The following HPSE2 variants were observed in gnomAD, a reference collection of about 807,000 sequenced individuals.
HPSE2 encodes inactive heparanase-2.
HPSE2 carries 38 observed loss-of-function variants against 60.5 expected under a neutral mutation model. That is an observed-to-expected ratio of 0.63 (90% CI 0.48 to 0.82). The LOEUF (loss-of-function observed/expected upper bound fraction) is 0.82, where lower values mean the gene tolerates loss of function less well. Ranked by LOEUF, HPSE2 falls within the 40% of genes least tolerant of loss-of-function variation. The pLI is 0.00. For missense variants in HPSE2, 713 were observed against 740.4 expected, an observed-to-expected ratio of 0.96 and a Z score of 0.43; for synonymous variants, 295 against 293.2, an observed-to-expected ratio of 1.01 and a Z score of -0.06.
intron 2 of HPSE2, among the ~76,000 whole-genome samples, chr10:99,159,405 T>C (rs1272605724): frequency 6.6e-6 from 1 of 152,152 alleles, no homozygotes; most frequent in Non-Finnish European, 1.5e-5. Flanking sequence ...TGCTTTTGCG[T>C]GGTGAAACAG....
At chr10:99,044,691 C>CAA (rs35009988) in intron 3 of HPSE2, among the ~76,000 whole-genome samples, 32 of 138,502 alleles carry the variant, frequency 2.3e-4, no homozygotes, top group East Asian at 1.7e-3. Context: ...AACAAACAAA[C>CAA]AAAAAAAATA....
At chr10:99,200,130 TACA>T (rs773364888) in intron 2 of HPSE2, among the ~76,000 whole-genome samples, 3 of 152,136 alleles carry the variant, frequency 2.0e-5, no homozygotes, top group Non-Finnish European at 4.4e-5. Flanking sequence ...ATTTTGTATC[TACA>T]ACTTTACTGA....
At chr10:98,864,590 T>A (rs938432903) in intron 3 of HPSE2, among the ~76,000 whole-genome samples, 1 of 152,186 alleles carries the variant, frequency 6.6e-6, no homozygotes, top group Non-Finnish European at 1.5e-5. Context: ...TTCATTAGTC[T>A]CATTAAGTCC....
intron 1 of HPSE2, among the ~76,000 whole-genome samples, chr10:99,232,729 C>T (rs1177457352): frequency 2.6e-5 from 4 of 152,240 alleles, no homozygotes; most frequent in Non-Finnish European, 5.9e-5. Context: ...CTTCCAGACG[C>T]CCGCAGCGGC....
chr10:98,543,025 G>A (rs1186103924), intron 9 of HPSE2, among the ~76,000 whole-genome samples: 2 of 152,120 alleles, frequency 1.3e-5, no homozygotes, highest in Non-Finnish European at 1.5e-5. Flanking sequence ...ACACATCATT[G>A]TCAGATTCAC....
At chr10:99,107,780 A>G (rs1844305657) in intron 3 of HPSE2, among the ~76,000 whole-genome samples, 1 of 152,216 alleles carries the variant, frequency 6.6e-6, no homozygotes, top group Admixed American at 6.5e-5. Context: ...CTTCTAGATG[A>G]ACATTCAACA....
At chr10:99,127,290 C>T (rs1192158535) in intron 3 of HPSE2, among the ~76,000 whole-genome samples, 1 of 151,924 alleles carries the variant, frequency 6.6e-6, no homozygotes, top group Non-Finnish European at 1.5e-5. Flanking sequence ...AAATAGATAT[C>T]ATAAAGAAAA....
At chr10:99,009,583 T>G (rs1956967957) in intron 3 of HPSE2, among the ~76,000 whole-genome samples, 1 of 152,220 alleles carries the variant, frequency 6.6e-6, no homozygotes, top group Non-Finnish European at 1.5e-5. Context: ...TCTTGTAGAA[T>G]TCCAAACTTC....
At chr10:98,987,370 A>G (rs1956390853) in intron 3 of HPSE2, among the ~76,000 whole-genome samples, 1 of 152,216 alleles carries the variant, frequency 6.6e-6, no homozygotes, top group Non-Finnish European at 1.5e-5. Flanking sequence ...GTAATCCAGC[A>G]TATAAACAGA....
chr10:98,884,094 C>T (rs561646211), intron 3 of HPSE2, among the ~76,000 whole-genome samples: 4 of 152,196 alleles, frequency 2.6e-5, no homozygotes, highest in African/African-American at 9.6e-5. Flanking sequence ...ATTTAGTGGT[C>T]TAGATAGGTC....
At chr10:98,811,628 A>G (rs1487791051) in intron 3 of HPSE2, among the ~76,000 whole-genome samples, 2 of 152,134 alleles carry the variant, frequency 1.3e-5, no homozygotes, top group Admixed American at 6.6e-5. Context: ...GTATGCAATT[A>G]TCTTTATATG....
chr10:99,028,184 T>C (rs75044158), intron 3 of HPSE2, among the ~76,000 whole-genome samples: 2,523 of 152,256 alleles, frequency 0.017, 104 homozygotes, highest in East Asian at 0.16. Context: ...GGCAGTCAAA[T>C]TGGAAAGGAA....
chr10:98,756,026 T>A (rs1238865726), intron 3 of HPSE2, among the ~76,000 whole-genome samples: 1 of 151,932 alleles, frequency 6.6e-6, no homozygotes. Flanking sequence ...AAAAGATCTC[T>A]CAAAACCATA....
chr10:99,184,839 G>T (rs1420120310), intron 2 of HPSE2, among the ~76,000 whole-genome samples: 1,476 of 78,326 alleles, frequency 0.019, 143 homozygotes, highest in Non-Finnish European at 0.037. Flanking sequence ...GAGAGAGAGA[G>T]AGAGAGAGAG....
intron 3 of HPSE2, among the ~76,000 whole-genome samples, chr10:98,767,905 C>A (rs1164394692): frequency 6.8e-6 from 1 of 146,674 alleles, no homozygotes; most frequent in Non-Finnish European, 1.5e-5. Context: ...ATTAAATAAG[C>A]ATATAATATA....
intron 3 of HPSE2, among the ~76,000 whole-genome samples, chr10:98,813,424 C>T (rs1420822998): frequency 2.0e-5 from 3 of 152,154 alleles, no homozygotes; most frequent in East Asian, 1.9e-4. Context: ...TAATAAGAAG[C>T]TTCAATTCAT....
chr10:98,682,998 T>C (rs1947824139), intron 6 of HPSE2, among the ~76,000 whole-genome samples: 1 of 152,180 alleles, frequency 6.6e-6, no homozygotes, highest in East Asian at 1.9e-4. Flanking sequence ...CAATAAGACA[T>C]CCAGCCCTTT....
At chr10:98,744,126 T>C (rs577821504) in intron 3 of HPSE2, 70 bp from the exon 4 acceptor site, 4 of 1,427,448 alleles carry the variant, frequency 2.8e-6, no homozygotes, top group Non-Finnish European at 9.7e-7. Context: ...TAGTAGCTAA[T>C]ATAAAAAGCC....
intron 3 of HPSE2, among the ~76,000 whole-genome samples, chr10:99,035,873 C>T (rs1183967933): frequency 6.6e-6 from 1 of 152,192 alleles, no homozygotes; most frequent in East Asian, 1.9e-4. Context: ...CAGTGACACT[C>T]CAGCAGCAAT....
Sources: allele counts gnomAD v4.1 joint callset (sites outside exome capture counted in the v4.1 genomes callset), GRCh38; gene constraint gnomAD v4.1.1; transcripts MANE v1.5; gene names NCBI Gene and HGNC (gene_info 2026-07-23, HGNC 2026-07-21).